The following PASK variants were observed in gnomAD, a reference collection of about 807,000 sequenced individuals.
The protein encoded by PASK is PAS domain-containing serine/threonine-protein kinase.
In PASK, 110 loss-of-function variants were observed where a neutral mutation model predicts 121.0. That is an observed-to-expected ratio of 0.91 (90% confidence interval 0.78 to 1.06). PASK has a LOEUF of 1.06. PASK is among the 50% of genes least tolerant of loss of function. PASK has a pLI of 0.00. For synonymous variants in PASK, 686 were observed against 717.8 expected, an observed-to-expected ratio of 0.96 and a Z score of 0.71; for missense variants, 1,643 against 1,702.3, an observed-to-expected ratio of 0.97 and a Z score of 0.61.
intron 8 of PASK, chr2:241,133,998 A>AG (rs1417144092): frequency 2.0e-5 from 3 of 147,444 alleles, no homozygotes; most frequent in Non-Finnish European, 4.4e-5. Context: ...AAAAAAAAAA[A>AG]AAGGACGACC....
chr2:241,132,967 A>T lies in PASK; in HGVS notation c.1370T>A (p.Leu457Gln). Residue 457 changes from leucine to glutamine, a missense_variant, in exon 9 of 18, where the codon CTG (leucine) becomes CAG (glutamine). Physicochemically the swap from Leu to Gln is moderately radical, Grantham distance 113. Transcript: ENST00000234040. ...GGTGAAGATGTCTTGGCTTTCCATC[A>T]GCTTCCGGATCTCATCTCGGGGCAC... ...HVVPRDEIRK[L>Q]MESQDIFTGT... The T allele has an allele frequency of 6.2e-7, 1 of 1,614,004 alleles. No individual in the cohort carries two copies. The highest frequency in any genetic ancestry group is 8.5e-7 in the Non-Finnish European group (1 of 1,179,898).
At chr2:241,149,798 G>C, upstream of PASK, 4 of 1,533,960 alleles carry the variant, frequency 2.6e-6, no homozygotes, top group Non-Finnish European at 3.5e-6. Flanking sequence ...GGCTCCGCAG[G>C]GTAGACGAAG....
chr2:241,149,679 C>A (rs1001949053), upstream of PASK: 2 of 1,548,346 alleles, frequency 1.3e-6, no homozygotes, highest in South Asian at 1.2e-5. Flanking sequence ...CGGGCAGATG[C>A]GGTTTCCTCC....
At chr2:241,145,873 G>C (rs1048593529) in intron 1 of PASK, 1 of 151,644 alleles carries the variant, frequency 6.6e-6, no homozygotes, top group Non-Finnish European at 1.5e-5. Context: ...GGCAGGTGGA[G>C]GTTGCAATGA....
At position 241,108,595 on chromosome 2, in the gene PASK, G is replaced by C; in HGVS notation, c.3534-295C>G. 1 of 475,740 alleles carries C rather than the reference G, an allele frequency of 2.1e-6. No individual in the cohort carries two copies. The highest frequency in any genetic ancestry group is 2.0e-5 in the South Asian group (1 of 49,778). 29.5% of individuals were successfully genotyped at this position (475,740 alleles called of 1,614,324 possible). A position where few individuals can be genotyped will look rare whatever the true frequency, so the allele number is the denominator to read the frequency against. On this transcript the variant is annotated intron_variant, in intron 15 of 17. Coordinates refer to ENST00000234040, the MANE Select transcript of PASK (RefSeq NM_015148.4). The surrounding 1 kb of genome is among the most constrained non-coding windows in gnomAD (Gnocchi z 5.2). ...GTGTCTACCAGAGGGGGGAGCGGGG[G>C]GAGGGCTTCCTGGAGGAAGCAGAGT...
At position 241,108,009 on chromosome 2, in the gene PASK, G is replaced by A. The variant is rs568076515; in HGVS notation, c.3667+158C>T. ...TTAACAAAAACTAAATTATCAAGAT[G>A]TTTTAAAGTCATATGCAAATTATTT... On this transcript the variant is annotated intron_variant, in intron 16 of 17. Coordinates refer to ENST00000234040, the MANE Select transcript of PASK (RefSeq NM_015148.4). The surrounding 1 kb of genome is among the most constrained non-coding windows in gnomAD (Gnocchi z 5.2). 6.6e-6 allele frequency among the ~76,000 whole-genome samples: 1 copy of A among 152,290 alleles called. No homozygotes were observed. The highest frequency in any genetic ancestry group is 2.4e-5 in the African/African-American group (1 of 41,552).
chr2:241,109,980 CAA>C (rs1290622965), intron 15 of PASK, among the ~76,000 whole-genome samples: 3 of 152,170 alleles, frequency 2.0e-5, no homozygotes, highest in East Asian at 3.8e-4. Flanking sequence ...TTTATAGAAA[CAA>C]GAGGCAGGGG....
intron 12 of PASK, among the ~76,000 whole-genome samples, chr2:241,115,687 A>AAGCAT (rs2065309786): frequency 8.5e-6 from 1 of 117,684 alleles, no homozygotes; most frequent in African/African-American, 4.0e-5. Context: ...CACCAGGGCC[A>AAGCAT]CCCAGTCCTC....
chr2:241,134,942 G>C (rs1369330426), intron 8 of PASK, among the ~76,000 whole-genome samples: 2 of 152,228 alleles, frequency 1.3e-5, no homozygotes, highest in Non-Finnish European at 2.9e-5. Flanking sequence ...CACCAGGGCA[G>C]AGCCAGGGAC....
At chr2:241,107,524 G>T in intron 16 of PASK, 25 bp from the exon 17 acceptor site, 1 of 1,612,306 alleles carries the variant, frequency 6.2e-7, no homozygotes, top group Non-Finnish European at 8.5e-7. Flanking sequence ...AACACAGATG[G>T]TAGGTCCAGA....
At chr2:241,107,144 C>G (rs1253057445) in intron 17 of PASK, among the ~76,000 whole-genome samples, 3 of 152,310 alleles carry the variant, frequency 2.0e-5, no homozygotes, top group South Asian at 4.2e-4. Context: ...CAAAGCCACA[C>G]CCTGAACCCC....
At chr2:241,149,505 T>C (rs960879538), upstream of PASK, 7 of 719,024 alleles carry the variant, frequency 9.7e-6, no homozygotes, top group South Asian at 1.9e-5. Flanking sequence ...GCACAGCGAC[T>C]AGCACCGATT....
In PASK at chr2:241,115,921, AG is replaced by A. The variant is rs1356170265; in HGVS notation, c.3073-509del. Among the ~76,000 whole-genome samples the A allele has an allele frequency of 2.0e-3, 181 of 90,514 alleles. 4 individuals carry two copies. Among genetic ancestry groups the A allele is most frequent in the African/African-American group, 0.01 (112 of 10,974 alleles). The allele number at this position is 90,514 out of a possible 152,430, so 59.4% of individuals were successfully genotyped here. A position where few individuals can be genotyped will look rare whatever the true frequency, so the allele number is the denominator to read the frequency against. ...CGGTCCTCAAGCATCCCGTTACACC[AG>A]GGGCCACCATCAGTCCTCAAGCATC... On this transcript the variant is annotated intron_variant, in intron 12 of 17. Coordinates refer to ENST00000234040, the MANE Select transcript of PASK (RefSeq NM_015148.4).
At chr2:241,132,542 A>G (rs1305486021) in intron 9 of PASK, among the ~76,000 whole-genome samples, 1 of 150,776 alleles carries the variant, frequency 6.6e-6, no homozygotes, top group Non-Finnish European at 1.5e-5. Flanking sequence ...AAAAAAAAAA[A>G]AAAAAAAAAA....
chr2:241,107,241 C>G, intron 17 of PASK, 112 bp downstream of exon 17: 4 of 948,828 alleles, frequency 4.2e-6, no homozygotes, highest in Non-Finnish European at 6.9e-6. Context: ...GTGTCCAAGA[C>G]AGCATGGGGG....
chr2:241,124,003 C>T lies in PASK; in HGVS notation c.2850G>A (p.Leu950=). 1 of 1,613,962 alleles carries T rather than the reference C, an allele frequency of 6.2e-7. No homozygotes were observed. ...CAGCGGTAGAGTGGGTGGAGCCGGG[C>T]AGGCTGGCAAGGAACAGGCGGGTCC... ...AARTRLFLAS[L]PGSTHSTAAE... Residue 950 remains leucine, a synonymous_variant, in exon 11 of 18, where the codon CTG becomes CTA. Transcript: ENST00000234040.
intron 12 of PASK, among the ~76,000 whole-genome samples, chr2:241,122,443 A>G (rs2065655130): frequency 6.6e-6 from 1 of 152,236 alleles, no homozygotes; most frequent in Non-Finnish European, 1.5e-5. Context: ...AAAGGAGGGA[A>G]CACAGGTCCA....
chr2:241,142,865 T>C lies in PASK; in HGVS notation c.168A>G (p.Arg56=). ...AGAGCGCTGTCCTGCTCTGGCAGAGTCTGGAAAGCCCATTCCTTCTGCTCA... is the reference window on the plus strand; with the variant it reads ...AGAGCGCTGTCCTGCTCTGGCAGAGCCTGGAAAGCCCATTCCTTCTGCTCA... ...RHLSRRNGLS[R]LCQSRTALSE... The change falls in exon 2 of 18, where the codon AGA becomes AGG. Residue 56 remains arginine, a synonymous_variant. Coordinates refer to ENST00000234040, the MANE Select transcript of PASK (RefSeq NM_015148.4). 1 of 1,613,672 alleles carries C rather than the reference T, an allele frequency of 6.2e-7. No homozygotes were observed.
Position 241,107,262 on chromosome 2 carries a change from C to T in PASK, c.3814+91G>A. ...AAGACAGCATGGGGGAGAGAGCCTC[C>T]TTTTCCTCCTTTTGACCTAGGAAGG... On this transcript the variant is annotated intron_variant, in intron 17 of 17. Coordinates refer to ENST00000234040, the MANE Select transcript of PASK (RefSeq NM_015148.4). The T allele has an allele frequency of 4.4e-6, 5 of 1,148,118 alleles. No homozygotes were observed. The South Asian group carries it at 6.2e-5, about 14-fold the overall frequency. 71.1% of individuals were successfully genotyped at this position (1,148,118 alleles called of 1,614,324 possible). A position where few individuals can be genotyped will look rare whatever the true frequency, so the allele number is the denominator to read the frequency against.
Sources: gnomAD v4.1 joint callset for allele counts (sites outside exome capture counted in the v4.1 genomes callset) on GRCh38, gnomAD v4.1.1 for gene constraint, Gnocchi (gnomAD v3.1) non-coding constraint, MANE v1.5 for transcripts, NCBI Gene and HGNC (gene_info 2026-07-23, HGNC 2026-07-21) for gene names.